KLC1: variants seen among roughly 807,000 people sequenced by gnomAD.
KLC1 encodes kinesin light chain 1, also known as kinesin 2 60/70kDa.
A neutral mutation model predicts 84.2 loss-of-function variants in KLC1; 30 were observed. That is an observed-to-expected ratio of 0.36 (90% CI 0.27 to 0.48). The LOEUF is 0.48. Ranked by LOEUF, KLC1 falls within the 20% of genes least tolerant of loss-of-function variation. The pLI, the probability that KLC1 is intolerant of heterozygous loss-of-function variation, is 0.99. For synonymous variants in KLC1, 289 were observed against 293.3 expected (o/e 0.99, Z 0.15); for missense variants, 499 against 805.4 (o/e 0.62, Z 4.60).
intron 5 of KLC1, among the ~76,000 whole-genome samples, chr14:103,668,541 G>T (rs371506510): frequency 2.0e-5 from 3 of 151,908 alleles, no homozygotes; most frequent in African/African-American, 7.3e-5. Context: ...GCAGTGGCGC[G>T]ATCTATGCTC....
At position 103,699,415 on chromosome 14, in the gene KLC1, C is replaced by A. The variant is rs79874791; in HGVS notation, c.1849-1240C>A. On this transcript the variant is annotated intron_variant, in intron 15 of 16. Coordinates refer to ENST00000334553, the MANE Select transcript of KLC1 (RefSeq NM_001394837.1). ...GGAAGGCACTGCTCAGCTCACGCAG[C>A]GTGGCCCCCAGGGACTGCAGATGCC... is the stretch of plus-strand genomic sequence containing the variant. 364 of 1,612,640 alleles carry A rather than the reference C, an allele frequency of 2.3e-4. 1 individual carries two copies. The highest frequency in any genetic ancestry group is 3.0e-4 in the Non-Finnish European group (356 of 1,179,824).
intron 13 of KLC1, among the ~76,000 whole-genome samples, chr14:103,684,250 CTGTA>C (rs1323011637): frequency 6.6e-6 from 1 of 152,218 alleles, no homozygotes; most frequent in Non-Finnish European, 1.5e-5. Context: ...TGAGATCCTA[CTGTA>C]TACAGATAAT....
intron 13 of KLC1, chr14:103,686,107 A>G (rs542278054): frequency 5.0e-6 from 5 of 996,790 alleles, no homozygotes; most frequent in South Asian, 8.7e-5. Context: ...CCCCAGTAGC[A>G]TTTGCTGTGT....
chr14:103,692,034 C>T (rs1044134058), intron 14 of KLC1, among the ~76,000 whole-genome samples: 6 of 152,190 alleles, frequency 3.9e-5, no homozygotes, highest in African/African-American at 1.4e-4. Flanking sequence ...CCTTCCAAAG[C>T]ATTGGGATTA....
intron 13 of KLC1, chr14:103,684,646 G>GC (rs2151809956): frequency 4.1e-6 from 1 of 243,144 alleles, no homozygotes; most frequent in African/African-American, 2.2e-5. Flanking sequence ...TGGGCCCATT[G>GC]CCCAGCTGTC....
rs1405665668 is a variant in KLC1, at chr14:103,677,542, C to T, written c.1488+19C>T. ...TAAACAGGTTAGTCATACTTCTGTC[C>T]TTAACCGGCCCATGGGAACTTTGAA... is the stretch of plus-strand genomic sequence containing the variant. On this transcript the variant is annotated intron_variant, in intron 12 of 16. Transcript: ENST00000334553. 6.9e-7 allele frequency: 1 copy of T among 1,455,792 alleles called. No individual in the cohort carries two copies. Among genetic ancestry groups the T allele is most frequent in the African/African-American group, 1.4e-5 (1 of 71,596 alleles). 90.2% of individuals were successfully genotyped at this position (1,455,792 alleles called of 1,614,324 possible).
rs117530585 is a variant in KLC1 at position 103,641,411 on chromosome 14, G to A, written c.-2+11917G>A. Among the ~76,000 whole-genome samples, 75 of 152,104 alleles carry A rather than the reference G, an allele frequency of 4.9e-4. 1 individual carries two copies. The East Asian group carries it at 0.014, about 28-fold the overall frequency. On this transcript the variant is annotated intron_variant, in intron 1 of 16. Transcript: ENST00000334553. ...TCTTAGCTTGCGAGGCTGTAACAAA[G>A]TACCACAGGCTAGTGACTCACGAAC... is the stretch of plus-strand genomic sequence containing the variant.
At chr14:103,663,326 C>T (rs982809218) in intron 5 of KLC1, among the ~76,000 whole-genome samples, 2 of 152,064 alleles carry the variant, frequency 1.3e-5, no homozygotes, top group African/African-American at 2.4e-5. Flanking sequence ...GTGATCCGCC[C>T]GCCTCAGCCT....
At chr14:103,642,487 G>GT (rs1339123983) in intron 1 of KLC1, among the ~76,000 whole-genome samples, 1 of 152,182 alleles carries the variant, frequency 6.6e-6, no homozygotes, top group Middle Eastern at 3.2e-3. Flanking sequence ...AGGGTTATGA[G>GT]TTTTTAGGAG....
At chr14:103,672,415 T>G (rs764513919) in intron 7 of KLC1, among the ~76,000 whole-genome samples, 1 of 152,208 alleles carries the variant, frequency 6.6e-6, no homozygotes, top group Non-Finnish European at 1.5e-5. Flanking sequence ...ACAAAGAATT[T>G]ATACTCTTGG....
In KLC1 at chr14:103,666,208, C is replaced by T. The variant is rs1348023329; in HGVS notation, c.797+3281C>T. On this transcript the variant is annotated intron_variant, in intron 5 of 16. Transcript: ENST00000334553. The stretch of plus-strand genomic sequence containing the variant: ...CCTCCCGAGTAGCTGGGACTACAGG[C>T]GCCTGCCACCGCGCCCGGCTAATTT... Among the ~76,000 whole-genome samples, 9 of 152,044 alleles carry T rather than the reference C, an allele frequency of 5.9e-5. No individual in the cohort carries two copies. In the South Asian group the frequency reaches 8.3e-4, roughly 14 times the overall value.
intron 3 of KLC1, among the ~76,000 whole-genome samples, chr14:103,660,235 C>T (rs922667403): frequency 6.6e-6 from 1 of 151,304 alleles, no homozygotes; most frequent in Non-Finnish European, 1.5e-5. Flanking sequence ...AATCCCAGCC[C>T]TTAGGGAGGC....
chr14:103,687,359 C>A, intron 14 of KLC1, 148 bp downstream of exon 14: 1 of 777,226 alleles, frequency 1.3e-6, no homozygotes, highest in Admixed American at 3.6e-5. Flanking sequence ...TTCATAGTTG[C>A]CACGTAGGTT....
Position 103,675,547 on chromosome 14 carries a change from C to T in KLC1, c.1262-5C>T. The T allele has an allele frequency of 1.2e-6, 2 of 1,610,062 alleles. No individual in the cohort carries two copies. Among genetic ancestry groups the T allele is most frequent in the Non-Finnish European group, 1.7e-6 (2 of 1,178,086 alleles). On this transcript the variant is annotated splice_region_variant and splice_polypyrimidine_tract_variant and intron_variant, in intron 9 of 16. Coordinates refer to ENST00000334553, the MANE Select transcript of KLC1 (RefSeq NM_001394837.1). ...TCAACCTGTATGCTGTGTTTTCTTC[C>T]CTAGATGAAAATAAACCCATCTGGA... is the stretch of plus-strand genomic sequence containing the variant.
At chr14:103,677,073 G>T (rs59785520) in intron 11 of KLC1, among the ~76,000 whole-genome samples, 1 of 152,326 alleles carries the variant, frequency 6.6e-6, no homozygotes, top group African/African-American at 2.4e-5. Flanking sequence ...CGCAGACCAA[G>T]TCGTCTCCAG....
chr14:103,684,456 GC>G (rs1378608331), intron 13 of KLC1, among the ~76,000 whole-genome samples: 2 of 152,238 alleles, frequency 1.3e-5, no homozygotes, highest in African/African-American at 2.4e-5. Flanking sequence ...GGCCAGGGCA[GC>G]CGCCGGCCTT....
chr14:103,682,372 AAAG>A (rs2081419142), intron 13 of KLC1: 2 of 149,116 alleles, frequency 1.3e-5, no homozygotes, highest in Admixed American at 1.3e-4. Flanking sequence ...TCTGTCTCAA[AAAG>A]AAAAAAAAAA....
At chr14:103,641,997 C>G (rs2077528748) in intron 1 of KLC1, among the ~76,000 whole-genome samples, 1 of 152,162 alleles carries the variant, frequency 6.6e-6, no homozygotes, top group Admixed American at 6.6e-5. Context: ...GTGGCATGAT[C>G]TCAGCTCACT....
intron 1 of KLC1, among the ~76,000 whole-genome samples, chr14:103,642,223 C>T (rs1215732516): frequency 1.3e-5 from 2 of 152,176 alleles, no homozygotes; most frequent in African/African-American, 4.8e-5. Context: ...AGCCACTGCT[C>T]AGCCCCTGGG....
Sources: allele counts gnomAD v4.1 joint callset (sites outside exome capture counted in the v4.1 genomes callset), GRCh38; gene constraint gnomAD v4.1.1; transcripts MANE v1.5; gene names NCBI Gene and HGNC (gene_info 2026-07-23, HGNC 2026-07-21).